Variants in TRPC4 observed in about 807,000 individuals in gnomAD.
TRPC4 encodes short transient receptor potential channel 4.
A neutral mutation model predicts 99.4 loss-of-function variants in TRPC4; 49 were observed. That is an observed-to-expected ratio of 0.49 (90% CI 0.39 to 0.63). TRPC4 has a LOEUF of 0.63. TRPC4 is among the 20% of genes least tolerant of loss of function. The pLI is 0.00. For missense variants in TRPC4, 898 were observed against 1,152.9 expected (o/e 0.78, Z 3.20); for synonymous variants, 454 against 425.9 (o/e 1.07, Z -0.81).
intron 1 of TRPC4, among the ~76,000 whole-genome samples, chr13:37,842,621 C>A (rs1314966686): frequency 6.6e-6 from 1 of 152,088 alleles, no homozygotes. Context: ...ATAGATGGCA[C>A]CTTCTTGCTG....
intron 1 of TRPC4, among the ~76,000 whole-genome samples, chr13:37,786,356 G>A (rs1306842003): frequency 6.6e-6 from 1 of 150,566 alleles, no homozygotes; most frequent in Non-Finnish European, 1.5e-5. Flanking sequence ...GAGAGAGAGA[G>A]AGAACAACTT....
rs552395340 is a variant in TRPC4, at chr13:37,636,764, T to C, written c.*139A>G. 1.1e-5 allele frequency: 11 copies of C among 1,027,704 alleles called. No homozygotes were observed. Among genetic ancestry groups the C allele is most frequent in the Non-Finnish European group, 1.5e-5 (11 of 754,988 alleles). The allele number at this position is 1,027,704 out of a possible 1,614,324, so 63.7% of individuals were successfully genotyped here. The stretch of plus-strand genomic sequence containing the variant: ...TGATTGCCTTTGCCTTATTTAAACA[T>C]GTTACAGGTAATATGCCACAGCTGA... On this transcript the variant is annotated 3_prime_UTR_variant, in exon 11 of 11. Transcript: ENST00000379705.
chr13:37,842,352 A>G (rs1375801992), intron 1 of TRPC4, among the ~76,000 whole-genome samples: 1 of 142,744 alleles, frequency 7.0e-6, no homozygotes, highest in African/African-American at 2.6e-5. Context: ...CCAAAAAAAA[A>G]AAAAAAAAAA....
At chr13:37,819,081 C>T (rs1192108694) in intron 1 of TRPC4, among the ~76,000 whole-genome samples, 1 of 151,850 alleles carries the variant, frequency 6.6e-6, no homozygotes, top group African/African-American at 2.4e-5. Context: ...TGAAAAAAAG[C>T]TTAATATCAC....
intron 3 of TRPC4, among the ~76,000 whole-genome samples, chr13:37,721,186 C>A (rs1027417881): frequency 6.6e-6 from 1 of 152,112 alleles, no homozygotes. Flanking sequence ...TTGTCCACTG[C>A]TAAAGAACAT....
chr13:37,689,346 T>C lies in TRPC4; in HGVS notation c.1234+2653A>G, dbSNP rs142982405. 8.1e-4 allele frequency among the ~76,000 whole-genome samples: 124 copies of C among 152,262 alleles called. 1 individual carries two copies. The highest frequency in any genetic ancestry group is 2.9e-3 in the African/African-American group (120 of 41,542). The stretch of plus-strand genomic sequence containing the variant: ...CCAACAACATAGCACACACCCCTTA[T>C]AATCATGGATCTAGCAAGGCACTGA... On this transcript the variant is annotated intron_variant, in intron 4 of 10. Coordinates refer to ENST00000379705, the MANE Select transcript of TRPC4 (RefSeq NM_016179.4).
chr13:37,751,001 C>T (rs1955918457), intron 2 of TRPC4, among the ~76,000 whole-genome samples: 1 of 152,064 alleles, frequency 6.6e-6, no homozygotes, highest in African/African-American at 2.4e-5. Flanking sequence ...AGAATGCTTT[C>T]TTCCTATAGA....
chr13:37,725,907 T>C (rs975025673), intron 3 of TRPC4, among the ~76,000 whole-genome samples: 8 of 152,100 alleles, frequency 5.3e-5, no homozygotes, highest in African/African-American at 1.7e-4. Flanking sequence ...AGTATGTAGA[T>C]AACTAAAAAG....
chr13:37,644,259 T>C (rs887274659), intron 8 of TRPC4, among the ~76,000 whole-genome samples: 13 of 152,182 alleles, frequency 8.5e-5, no homozygotes, highest in Non-Finnish European at 1.9e-4. Flanking sequence ...AGAGAAGATA[T>C]CTTTTTCTTA....
chr13:37,680,281 T>C (rs1219279528), intron 4 of TRPC4, among the ~76,000 whole-genome samples: 2 of 152,192 alleles, frequency 1.3e-5, no homozygotes, highest in East Asian at 3.9e-4. Flanking sequence ...CATGCAATCA[T>C]TGATTTAGCA....
At chr13:37,763,994 C>T (rs1956292185) in intron 2 of TRPC4, among the ~76,000 whole-genome samples, 1 of 151,656 alleles carries the variant, frequency 6.6e-6, no homozygotes, top group Admixed American at 6.6e-5. Flanking sequence ...TCCAGGTGTA[C>T]AGCCAGAGAA....
chr13:37,829,109 A>T (rs528847908), intron 1 of TRPC4, among the ~76,000 whole-genome samples: 33 of 152,224 alleles, frequency 2.2e-4, no homozygotes, highest in Non-Finnish European at 3.7e-4. Context: ...GAAAAAATAG[A>T]TAAGCTGGAT....
intron 1 of TRPC4, among the ~76,000 whole-genome samples, chr13:37,829,284 T>C (rs1251811504): frequency 1.3e-5 from 2 of 152,202 alleles, no homozygotes; most frequent in African/African-American, 2.4e-5. Flanking sequence ...ATATTCAGAT[T>C]TTTTAAAAAA....
intron 8 of TRPC4, among the ~76,000 whole-genome samples, chr13:37,641,173 A>C (rs536965347): frequency 6.6e-6 from 1 of 152,316 alleles, no homozygotes; most frequent in African/African-American, 2.4e-5. Flanking sequence ...CCAACGTCAA[A>C]AAATTTTAAT....
intron 1 of TRPC4, among the ~76,000 whole-genome samples, chr13:37,804,907 CAACT>C (rs1957492215): frequency 6.6e-6 from 1 of 151,992 alleles, no homozygotes; most frequent in African/African-American, 2.4e-5. Flanking sequence ...TGTGTCTTAA[CAACT>C]AATAATTGTA....
At chr13:37,720,384 C>T (rs1208649196) in intron 3 of TRPC4, among the ~76,000 whole-genome samples, 1 of 152,020 alleles carries the variant, frequency 6.6e-6, no homozygotes, top group East Asian at 1.9e-4. Context: ...ACTTGCCATT[C>T]CTAGTAATGG....
chr13:37,825,597 T>G (rs1476904657), intron 1 of TRPC4, among the ~76,000 whole-genome samples: 10 of 146,850 alleles, frequency 6.8e-5, no homozygotes, highest in East Asian at 2.0e-4. Context: ...GTGAGATTCT[T>G]AATCCTGAGT....
At chr13:37,782,507 C>A (rs1758636582) in intron 2 of TRPC4, among the ~76,000 whole-genome samples, 1 of 151,908 alleles carries the variant, frequency 6.6e-6, no homozygotes, top group Non-Finnish European at 1.5e-5. Flanking sequence ...CTCACTTTTG[C>A]AGTAAGCTGC....
At chr13:37,642,912 A>G (rs886899238) in intron 8 of TRPC4, among the ~76,000 whole-genome samples, 1 of 151,766 alleles carries the variant, frequency 6.6e-6, no homozygotes, top group African/African-American at 2.4e-5. Flanking sequence ...TGTATTTTTA[A>G]TAGAGACGGG....
Sources: allele counts gnomAD v4.1 joint callset (sites outside exome capture counted in the v4.1 genomes callset), GRCh38; gene constraint gnomAD v4.1.1; transcripts MANE v1.5; gene names NCBI Gene and HGNC (gene_info 2026-07-23, HGNC 2026-07-21).